The following TULP1 variants were observed in gnomAD, a reference collection of about 807,000 sequenced individuals.
TULP1 encodes the protein TUB like protein 1, also known as tubby-related protein 1.
Under a neutral mutation model 67.1 loss-of-function variants are expected in TULP1, and 50 were observed. That is an observed-to-expected ratio of 0.75 (90% CI 0.59 to 0.94). The LOEUF (loss-of-function observed/expected upper bound fraction) is 0.94. Ranked by LOEUF, TULP1 falls within the 40% of genes least tolerant of loss-of-function variation. TULP1 has a pLI of 0.00. For missense variants in TULP1, 746 were observed against 734.1 expected, an observed-to-expected ratio of 1.02 and a Z score of -0.19; for synonymous variants, 297 against 294.0, an observed-to-expected ratio of 1.01 and a Z score of -0.11.
Position 35,503,530 on chromosome 6 carries a change from G to A in TULP1, c.1323+29C>T. The A allele has an allele frequency of 1.9e-6, 3 of 1,548,150 alleles. No individual in the cohort carries two copies. The highest frequency in any genetic ancestry group is 2.6e-6 in the Non-Finnish European group (3 of 1,143,718). On this transcript the variant is annotated intron_variant, in intron 13 of 14. Coordinates refer to ENST00000229771, the MANE Select transcript of TULP1 (RefSeq NM_003322.6). The surrounding 1 kb of genome is among the most constrained non-coding windows in gnomAD (Gnocchi z 4.0). The stretch of plus-strand genomic sequence containing the variant: ...CCGACTCCTGTTTCTCACATAGGGA[G>A]CCAGGGGCCAGGGAGGTGCGGGGCT...
Position 35,498,060 on chromosome 6 carries a change from C to T in TULP1, c.*267G>A. The stretch of plus-strand genomic sequence containing the variant: ...GACTGGGGCGCGGGGAGGAGGGGGG[C>T]ACAGCGGCGCAGGCGAGCTCCGAGA... On this transcript the variant is annotated 3_prime_UTR_variant, in exon 15 of 15. Transcript: ENST00000229771. The surrounding 1 kb of genome is among the most constrained non-coding windows in gnomAD (Gnocchi z 6.7). 1.7e-6 allele frequency: 1 copy of T among 595,382 alleles called. No individual in the cohort carries two copies. The highest frequency in any genetic ancestry group is 3.0e-6 in the Non-Finnish European group (1 of 337,374). The allele number at this position is 595,382 out of a possible 1,614,324, so 36.9% of individuals were successfully genotyped here.
Position 35,500,020 on chromosome 6 carries a change from C to T in TULP1, c.1456G>A (p.Ala486Thr), listed in dbSNP as rs1561812265. ...ACAATCTGGAAGTTCTTGACTGAGG[C>T]CTGGGTGACCCGGCCTTGGAAGTTG... ...TLNFQGRVTQ[A>T]SVKNFQIVHA... Residue 486 changes from alanine to threonine, a missense_variant, in exon 14 of 15, where the codon GCC (alanine) becomes ACC (threonine). Physicochemically the swap from Ala to Thr is moderately conservative, Grantham distance 58 (BLOSUM62 0). This residue lies in a region of TULP1 where 383 missense variants were observed against 374.1 expected (regional missense o/e 1.02). Transcript: ENST00000229771. The T allele has an allele frequency of 6.2e-7, 1 of 1,614,120 alleles. No individual in the cohort carries two copies. The highest frequency in any genetic ancestry group is 8.5e-7 in the Non-Finnish European group (1 of 1,180,022).
In TULP1 at chr6:35,509,582, GC is replaced by G. The variant is rs1446212996; in HGVS notation, c.718+51del. Reference sequence around the variant, plus strand: ...TGCTGTAAGGACCCTCTAGCTCCCCGCCCCCAGGACCACCTCAAGATGTCAC... The same window carrying G: ...TGCTGTAAGGACCCTCTAGCTCCCCGCCCCAGGACCACCTCAAGATGTCAC... On this transcript the variant is annotated intron_variant, in intron 7 of 14. Transcript: ENST00000229771. The G allele has an allele frequency of 1.9e-6, 3 of 1,569,156 alleles. No homozygotes were observed. The African/African-American group carries it at 4.1e-5, about 21-fold the overall frequency.
In TULP1 at chr6:35,503,350, T is replaced by G; in HGVS notation, c.1323+209A>C. 1 of 595,194 alleles carries G rather than the reference T, an allele frequency of 1.7e-6. No individual in the cohort carries two copies. Among genetic ancestry groups the G allele is most frequent in the Non-Finnish European group, 3.0e-6 (1 of 334,194 alleles). The allele number at this position is 595,194 out of a possible 1,614,324, so 36.9% of individuals were successfully genotyped here. ...TATGAATGGATGTAATATATGAATT[T>G]GATGTAAACTCCAAAAACAACCAAA... is the stretch of plus-strand genomic sequence containing the variant. On this transcript the variant is annotated intron_variant, in intron 13 of 14. Transcript: ENST00000229771. This position sits in a 1 kb window ranked among gnomAD's most constrained non-coding sequence, Gnocchi z 4.0.
intron 11 of TULP1, among the ~76,000 whole-genome samples, chr6:35,505,247 C>T (rs9689798): frequency 0.11 from 17,446 of 152,270 alleles, 1,055 homozygotes; most frequent in Admixed American, 0.15. Flanking sequence ...TAAATACATA[C>T]ATTTAGGAAA....
chr6:35,505,311 TTAGATG>T (rs1313310536), intron 11 of TULP1, among the ~76,000 whole-genome samples: 2 of 152,194 alleles, frequency 1.3e-5, no homozygotes, highest in Non-Finnish European at 2.9e-5. Context: ...GTGGTGAGGA[TTAGATG>T]AGATGTATGG....
At chr6:35,510,049 G>T in intron 5 of TULP1, 121 bp from the exon 6 acceptor site, 2 of 880,474 alleles carry the variant, frequency 2.3e-6, no homozygotes, top group South Asian at 1.5e-5. Flanking sequence ...GGGGCCCACA[G>T]CCTGCCTTCT....
chr6:35,506,157 G>T lies in TULP1; in HGVS notation c.845C>A (p.Pro282Gln), dbSNP rs1177612155. The T allele has an allele frequency of 6.2e-7, 1 of 1,613,492 alleles. No homozygotes were observed. The change falls in exon 10 of 15, where the codon CCG becomes CAG. Residue 282 changes from proline to glutamine, a missense_variant. Around this residue, in one of 3 missense-constraint regions of TULP1, gnomAD observed 383 missense variants for 374.1 expected, o/e 1.02. Transcript: ENST00000229771. ...TTCGTCCACCTCCACGGGGGGAGAC[G>T]GGGCCCTCTCCTCCTTCTGGGTGGG... ...GKKKAKEERA[P>Q]SPPVEVDEPR... is the part of the protein sequence containing the mutation.
intron 11 of TULP1, 93 bp downstream of exon 11, chr6:35,505,648 G>T (rs775102082): frequency 6.4e-7 from 1 of 1,569,342 alleles, no homozygotes; most frequent in South Asian, 1.2e-5. Flanking sequence ...GCCCACTGTG[G>T]TGGGTGCTCT....
chr6:35,506,447 A>G (rs1164508213), intron 8 of TULP1, among the ~76,000 whole-genome samples, 168 bp from the exon 9 acceptor site: 1 of 152,216 alleles, frequency 6.6e-6, no homozygotes, highest in Non-Finnish European at 1.5e-5. Flanking sequence ...ATAGGAGCAC[A>G]CACTCTGGAG....
intron 13 of TULP1, 34 bp from the exon 14 acceptor site, chr6:35,500,186 A>T: frequency 6.2e-7 from 1 of 1,611,878 alleles, no homozygotes; most frequent in Non-Finnish European, 8.5e-7. Flanking sequence ...CAGGGAGAGG[A>T]CAGTTAGAGA....
At chr6:35,506,446 C>T (rs1281678628) in intron 8 of TULP1, among the ~76,000 whole-genome samples, 167 bp from the exon 9 acceptor site, 2 of 152,206 alleles carry the variant, frequency 1.3e-5, no homozygotes, top group Non-Finnish European at 2.9e-5. Context: ...GATAGGAGCA[C>T]ACACTCTGGA....
Position 35,503,276 on chromosome 6 carries a change from C to G in TULP1, c.1323+283G>C. 1 of 427,164 alleles carries G rather than the reference C, an allele frequency of 2.3e-6. No homozygotes were observed. The highest frequency in any genetic ancestry group is 2.0e-5 in the African/African-American group (1 of 49,570). 26.5% of individuals were successfully genotyped at this position (427,164 alleles called of 1,614,324 possible). ...CTTTGTTTTGTCCACTGATGTCTTC[C>G]AGGTGCCTAGGATAATACTTGGCAC... On this transcript the variant is annotated intron_variant, in intron 13 of 14. Coordinates refer to ENST00000229771, the MANE Select transcript of TULP1 (RefSeq NM_003322.6). The surrounding 1 kb of genome is among the most constrained non-coding windows in gnomAD (Gnocchi z 4.0).
Position 35,503,502 on chromosome 6 carries a change from GC to G in TULP1, c.1323+56del. 2 of 1,516,692 alleles carry G rather than the reference GC, an allele frequency of 1.3e-6. No individual in the cohort carries two copies. The highest frequency in any genetic ancestry group is 8.9e-7 in the Non-Finnish European group (1 of 1,117,406). The allele number at this position is 1,516,692 out of a possible 1,614,324, so 94.0% of individuals were successfully genotyped here. On this transcript the variant is annotated intron_variant, in intron 13 of 14. Transcript: ENST00000229771. The surrounding 1 kb of genome is among the most constrained non-coding windows in gnomAD (Gnocchi z 4.0). ...GGGAGTTGGCTATTTCCTAAGCTGA[GC>G]CCCGACTCCTGTTTCTCACATAGGG... is the stretch of plus-strand genomic sequence containing the variant.
chr6:35,507,890 C>G (rs1761116064), intron 8 of TULP1, among the ~76,000 whole-genome samples: 1 of 152,226 alleles, frequency 6.6e-6, no homozygotes, highest in African/African-American at 2.4e-5. Flanking sequence ...TCTCAGCTCG[C>G]TGCAGCCTCC....
At position 35,511,732 on chromosome 6, in the gene TULP1, C is replaced by G. The variant is rs554200612; in HGVS notation, c.265G>C (p.Ala89Pro). 6.3e-7 allele frequency: 1 copy of G among 1,590,378 alleles called. No individual in the cohort carries two copies. Among genetic ancestry groups the G allele is most frequent in the Non-Finnish European group, 8.6e-7 (1 of 1,168,798 alleles). ...AQARAPQTVY[A>P]RFLRDPEAKK... ...GCCTCGGGGTCCCTGAGGAACCTGG[C>G]GTAGACCGTCTGCGGCGCCCGGGCC... The change falls in exon 4 of 15, where the codon GCC (alanine) becomes CCC (proline). Residue 89 changes from alanine (A) to proline (P), a missense_variant. Transcript: ENST00000229771.
chr6:35,499,098 A>G (rs1196233502), intron 14 of TULP1, among the ~76,000 whole-genome samples: 3 of 152,184 alleles, frequency 2.0e-5, no homozygotes, highest in African/African-American at 7.2e-5. Context: ...GGCTCGCTCA[A>G]TGTTGGTCCA....
chr6:35,509,923 G>C lies in TULP1; in HGVS notation c.505C>G (p.Leu169Val). 1 of 1,613,798 alleles carries C rather than the reference G, an allele frequency of 6.2e-7. No individual in the cohort carries two copies. The part of the protein sequence containing the change: ...RAKAQGPRGD[L>V]GSPDPPPKPL... ...TTCGGTGGGGGGTCAGGGCTTCCCA[G>C]GTCTCCTGGAAATGGAAGATGGGGG... Residue 169 changes from leucine to valine, a missense_variant, in exon 6 of 15, where the codon CTG (leucine) becomes GTG (valine). Around this residue, in one of 3 missense-constraint regions of TULP1, gnomAD observed 359 missense variants for 341.9 expected, o/e 1.05. Transcript: ENST00000229771.
Position 35,511,098 on chromosome 6 carries a change from T to C in TULP1, c.350-88A>G. On this transcript the variant is annotated intron_variant, in intron 4 of 14. Transcript: ENST00000229771. ...GTTCCTCCAGACTGCTGGGAAGTGG[T>C]GCATGGGCACCAGAAGGGGAGCCTG... is the stretch of plus-strand genomic sequence containing the variant. 1.9e-6 allele frequency: 3 copies of C among 1,579,140 alleles called. No individual in the cohort carries two copies. The South Asian group carries it at 3.4e-5, about 18-fold the overall frequency.
Sources: allele counts gnomAD v4.1 joint callset (sites outside exome capture counted in the v4.1 genomes callset), GRCh38; gene constraint gnomAD v4.1.1; regional missense constraint gnomAD v4.1.1; non-coding constraint Gnocchi (gnomAD v3.1); transcripts MANE v1.5; gene names NCBI Gene and HGNC (gene_info 2026-07-23, HGNC 2026-07-21).